CYP2C19: variants seen among roughly 807,000 people sequenced by gnomAD.
CYP2C19 encodes the protein cytochrome P450 family 2 subfamily C member 19, also known as cytochrome P450 2C19.
CYP2C19 carries 59 observed loss-of-function variants against 40.9 expected under a neutral mutation model. The ratio of observed to expected loss-of-function variants is 1.44; its 90% CI spans 1.17 to 1.79. The LOEUF (loss-of-function observed/expected upper bound fraction) is 1.79, where lower values mean the gene tolerates loss of function less well. Among genes scored for constraint, CYP2C19 ranks in the 40% most tolerant of loss-of-function variants. The probability of loss-of-function intolerance (pLI) is 0.00; values close to 1 mark genes in which losing one functional copy is unlikely to be tolerated. For synonymous variants in CYP2C19, 253 were observed against 208.7 expected, an observed-to-expected ratio of 1.21 and a Z score of -1.83; for missense variants, 754 against 596.9, an observed-to-expected ratio of 1.26 and a Z score of -2.74.
rs571706869 is a variant in CYP2C19, at chr10:94,839,271, T to A, written c.962-3566T>A. ...TGGATTCTAGTGGTCCTTTACCAGC[T>A]TGCCCAACATTGCCTTTGCACTCAG... On this transcript the variant is annotated intron_variant, in intron 6 of 8. Coordinates refer to ENST00000371321, the MANE Select transcript of CYP2C19 (RefSeq NM_000769.4). Among the ~76,000 whole-genome samples the A allele has an allele frequency of 3.1e-3, 474 of 151,124 alleles. 3 individuals carry two copies. The highest frequency in any genetic ancestry group is 0.011 in the African/African-American group (451 of 41,070).
In CYP2C19 at chr10:94,820,478, G is replaced by T. The variant is rs367699643; in HGVS notation, c.820-18G>T. On this transcript the variant is annotated intron_variant, in intron 5 of 8. Transcript: ENST00000371321. ...CTGTTAAATAATTTGTCAGATAATTGCATCAAATCATTCCTAGGAAAAGCA... is the reference window on the plus strand; with the variant it reads ...CTGTTAAATAATTTGTCAGATAATTTCATCAAATCATTCCTAGGAAAAGCA... 2 of 1,613,270 alleles carry T rather than the reference G, an allele frequency of 1.2e-6. No homozygotes were observed. The highest frequency in any genetic ancestry group is 1.7e-6 in the Non-Finnish European group (2 of 1,179,452).
intron 6 of CYP2C19, among the ~76,000 whole-genome samples, chr10:94,833,782 G>T (rs1242390423): frequency 6.6e-6 from 1 of 152,176 alleles, no homozygotes; most frequent in African/African-American, 2.4e-5. Flanking sequence ...CCTTCATTCT[G>T]TTGATATGAT....
rs1378164253 is a variant in CYP2C19 at position 94,820,594 on chromosome 10, G to C, written c.918G>C (p.Leu306=). ...GGACAGAGACAACAAGCACAACCCT[G>C]AGATATGCTCTCCTTCTCCTGCTGA... ...GAGTETTSTT[L]RYALLLLLKH... The change falls in exon 6 of 9, where the codon CTG becomes CTC. Residue 306 remains leucine, a synonymous_variant. Transcript: ENST00000371321. The C allele has an allele frequency of 3.1e-6, 5 of 1,614,206 alleles. No homozygotes were observed. Among genetic ancestry groups the C allele is most frequent in the Non-Finnish European group, 3.4e-6 (4 of 1,180,040 alleles).
In CYP2C19 at chr10:94,820,640, A is replaced by G. The variant is rs137862636; in HGVS notation, c.961+3A>G. On this transcript the variant is annotated splice_donor_region_variant and intron_variant, in intron 6 of 8. Transcript: ENST00000371321. The stretch of plus-strand genomic sequence containing the variant: ...GCTGAAGCACCCAGAGGTCACAGGT[A>G]TGATCACAGAGGATGAGTTAATTGA... 2.5e-6 allele frequency: 4 copies of G among 1,614,196 alleles called. No homozygotes were observed. The East Asian group carries it at 6.7e-5, about 27-fold the overall frequency.
At chr10:94,839,563 C>T (rs1819281225) in intron 6 of CYP2C19, among the ~76,000 whole-genome samples, 2 of 152,194 alleles carry the variant, frequency 1.3e-5, no homozygotes, top group South Asian at 4.1e-4. Context: ...GCATAAACAA[C>T]AGTTCTTATG....
intron 6 of CYP2C19, among the ~76,000 whole-genome samples, chr10:94,822,118 A>T (rs371535726): frequency 4.6e-5 from 7 of 152,190 alleles, no homozygotes; most frequent in African/African-American, 1.7e-4. Flanking sequence ...AAAAGACATG[A>T]TTTTTGTTCT....
intron 5 of CYP2C19, among the ~76,000 whole-genome samples, chr10:94,792,372 T>TTG (rs1192528053): frequency 6.6e-6 from 1 of 151,640 alleles, no homozygotes; most frequent in Non-Finnish European, 1.5e-5. Context: ...AAGGTTAATA[T>TTG]TCTGTGAATT....
chr10:94,826,084 G>T (rs570369026), intron 6 of CYP2C19, among the ~76,000 whole-genome samples: 1 of 152,042 alleles, frequency 6.6e-6, no homozygotes, highest in African/African-American at 2.4e-5. Flanking sequence ...TTTGAAGTCA[G>T]GTAGTGTGAT....
At chr10:94,807,598 T>C (rs988032788) in intron 5 of CYP2C19, among the ~76,000 whole-genome samples, 3 of 152,192 alleles carry the variant, frequency 2.0e-5, no homozygotes, top group Admixed American at 6.5e-5. Flanking sequence ...TGGAGTGAGC[T>C]GATATCTCAT....
Position 94,812,529 on chromosome 10 carries a change from G to T in CYP2C19, c.820-7967G>T, listed in dbSNP as rs1174374984. Among the ~76,000 whole-genome samples, 3 of 152,102 alleles carry T rather than the reference G, an allele frequency of 2.0e-5. No homozygotes were observed. In the East Asian group the frequency reaches 5.8e-4, roughly 29 times the overall value. ...GGTACACCAATCAAACGTAGATTTGGTCTTTTCACATAGCACCACATTTCT... is the reference window on the plus strand; with the variant it reads ...GGTACACCAATCAAACGTAGATTTGTTCTTTTCACATAGCACCACATTTCT... On this transcript the variant is annotated intron_variant, in intron 5 of 8. Transcript: ENST00000371321.
chr10:94,845,012 G>A (rs1327910415), intron 7 of CYP2C19, among the ~76,000 whole-genome samples: 2 of 152,158 alleles, frequency 1.3e-5, no homozygotes, highest in East Asian at 3.9e-4. Context: ...TGAGAACCCA[G>A]AGCGCAAGGA....
intron 5 of CYP2C19, among the ~76,000 whole-genome samples, chr10:94,815,197 A>G (rs1848982748): frequency 6.6e-6 from 1 of 151,288 alleles, no homozygotes; most frequent in African/African-American, 2.4e-5. Context: ...CTTAAGAGTA[A>G]TTTTCAACAT....
intron 5 of CYP2C19, among the ~76,000 whole-genome samples, chr10:94,819,478 T>C (rs1358197860): frequency 5.2e-5 from 4 of 76,334 alleles, no homozygotes; most frequent in East Asian, 4.7e-4. Context: ...ATCAACAAAA[T>C]TGATAGACCA....
chr10:94,838,979 A>G (rs1849448198), intron 6 of CYP2C19, among the ~76,000 whole-genome samples: 1 of 152,038 alleles, frequency 6.6e-6, no homozygotes. Flanking sequence ...ATTGGTCCTA[A>G]TTCTCCAGAA....
At chr10:94,796,508 G>C (rs1848690144) in intron 5 of CYP2C19, among the ~76,000 whole-genome samples, 1 of 152,130 alleles carries the variant, frequency 6.6e-6, no homozygotes. Context: ...GATCTTTAAA[G>C]TAGCTTTTTC....
chr10:94,810,365 G>A (rs1848902182), intron 5 of CYP2C19, among the ~76,000 whole-genome samples: 1 of 152,040 alleles, frequency 6.6e-6, no homozygotes, highest in Non-Finnish European at 1.5e-5. Context: ...TTTTATGTCT[G>A]CCAAGTTTTG....
At chr10:94,851,826 G>A (rs946004088) in intron 8 of CYP2C19, among the ~76,000 whole-genome samples, 1 of 152,138 alleles carries the variant, frequency 6.6e-6, no homozygotes, top group African/African-American at 2.4e-5. Flanking sequence ...CTTTAGTAAT[G>A]TTGCACTGGG....
In CYP2C19 at chr10:94,768,055, T is replaced by G. The variant is rs572887599; in HGVS notation, c.168+5182T>G. 3.9e-5 allele frequency among the ~76,000 whole-genome samples: 6 copies of G among 152,318 alleles called. No homozygotes were observed. The East Asian group carries it at 1.2e-3, about 29-fold the overall frequency. On this transcript the variant is annotated intron_variant, in intron 1 of 8. Coordinates refer to ENST00000371321, the MANE Select transcript of CYP2C19 (RefSeq NM_000769.4). Reference sequence around the variant, plus strand: ...CACCACCTTGGGTTTTTGCACTGAGTGCAATAACTCCATAATTCCCTTGTG... The same window carrying G: ...CACCACCTTGGGTTTTTGCACTGAGGGCAATAACTCCATAATTCCCTTGTG...
At chr10:94,821,626 AACTTT>A (rs1589367552) in intron 6 of CYP2C19, among the ~76,000 whole-genome samples, 2 of 152,156 alleles carry the variant, frequency 1.3e-5, no homozygotes, top group African/African-American at 4.8e-5. Flanking sequence ...TTTTATGAAC[AACTTT>A]ACTTTAGAAA....
Sources: allele counts gnomAD v4.1 joint callset (sites outside exome capture counted in the v4.1 genomes callset), GRCh38; gene constraint gnomAD v4.1.1; transcripts MANE v1.5; gene names NCBI Gene and HGNC (gene_info 2026-07-23, HGNC 2026-07-21).